The following MERTK variants were observed in gnomAD, a reference collection of about 807,000 sequenced individuals.
MERTK encodes MER proto-oncogene, tyrosine kinase, also known as tyrosine-protein kinase Mer.
A neutral mutation model predicts 99.3 loss-of-function variants in MERTK; 69 were observed. The ratio of observed to expected loss-of-function variants is 0.70; its 90% CI spans 0.57 to 0.85. The LOEUF is 0.85. Ranked by LOEUF, MERTK falls within the 40% of genes least tolerant of loss-of-function variation. The pLI is 0.00. For missense variants in MERTK, 1,125 were observed against 1,249.4 expected (o/e 0.90, Z 1.50); for synonymous variants, 426 against 467.6 (o/e 0.91, Z 1.15).
chr2:111,949,103 G>A (rs548999905), intron 4 of MERTK, among the ~76,000 whole-genome samples: 1 of 151,798 alleles, frequency 6.6e-6, no homozygotes, highest in Admixed American at 6.6e-5. Context: ...TTTGTCCCAT[G>A]ACCCAACTCA....
chr2:111,929,651 A>G lies in MERTK; in HGVS notation c.482+111A>G, dbSNP rs774132699. The stretch of plus-strand genomic sequence containing the variant: ...GCCCAGGCTGGAGTGCAGTGGCACG[A>G]TCTCAGCTCATTGCAACCTCCACCT... On this transcript the variant is annotated intron_variant, in intron 2 of 18. Coordinates refer to ENST00000295408, the MANE Select transcript of MERTK (RefSeq NM_006343.3). The G allele has an allele frequency of 2.7e-4, 226 of 831,868 alleles. 5 individuals are homozygous for G. The highest frequency in any genetic ancestry group is 3.6e-4 in the Non-Finnish European group (213 of 590,586). 51.5% of individuals were successfully genotyped at this position (831,868 alleles called of 1,614,324 possible).
At chr2:111,984,885 T>C (rs1292152440) in intron 8 of MERTK, among the ~76,000 whole-genome samples, 1 of 152,204 alleles carries the variant, frequency 6.6e-6, no homozygotes. Context: ...CCTGAAAATG[T>C]ATATCAGAAT....
intron 4 of MERTK, among the ~76,000 whole-genome samples, chr2:111,957,146 C>G (rs1274942551): frequency 6.6e-6 from 1 of 151,952 alleles, no homozygotes; most frequent in Non-Finnish European, 1.5e-5. Context: ...CCAGGATGGT[C>G]TCGATCTCCT....
intron 2 of MERTK, among the ~76,000 whole-genome samples, chr2:111,934,339 A>G: frequency 6.6e-6 from 1 of 152,166 alleles, no homozygotes; most frequent in East Asian, 1.9e-4. Flanking sequence ...ACTCCCACCA[A>G]CAGTGTAAAA....
chr2:111,906,342 G>A (rs12989536), intron 1 of MERTK, among the ~76,000 whole-genome samples: 9,355 of 152,300 alleles, frequency 0.061, 351 homozygotes, highest in Middle Eastern at 0.13. Flanking sequence ...ACAAAGAAAA[G>A]CCTTGTTTAT....
chr2:111,971,550 A>AT lies in MERTK; in HGVS notation c.960+3306dup, dbSNP rs143709873. Among the ~76,000 whole-genome samples, 10 of 151,682 alleles carry AT rather than the reference A, an allele frequency of 6.6e-5. No homozygotes were observed. The East Asian group carries it at 1.5e-3, about 23-fold the overall frequency. On this transcript the variant is annotated intron_variant, in intron 6 of 18. Transcript: ENST00000295408. ...AAGTTTTCTGTCATTTTCCTTGTGA[A>AT]TTTTTTTTGTCCTCTTGATTATTTA...
intron 7 of MERTK, among the ~76,000 whole-genome samples, chr2:111,978,019 A>T (rs935773357): frequency 6.6e-6 from 1 of 151,872 alleles, no homozygotes; most frequent in Non-Finnish European, 1.5e-5. Flanking sequence ...AGCTCACTGC[A>T]GTCTTGAACT....
chr2:111,981,759 ACACACAC>A (rs1676377263), intron 7 of MERTK, among the ~76,000 whole-genome samples: 2 of 149,580 alleles, frequency 1.3e-5, no homozygotes, highest in South Asian at 2.1e-4. Context: ...ACACACACAC[ACACACAC>A]TTTTTAAATG....
At chr2:111,966,779 C>G (rs1265684873) in intron 5 of MERTK, among the ~76,000 whole-genome samples, 1 of 152,186 alleles carries the variant, frequency 6.6e-6, no homozygotes, top group Admixed American at 6.5e-5. Context: ...GAAAGTGAGT[C>G]AAACCTTATT....
chr2:112,025,152 C>T (rs1677439053), intron 18 of MERTK, among the ~76,000 whole-genome samples: 1 of 152,128 alleles, frequency 6.6e-6, no homozygotes, highest in African/African-American at 2.4e-5. Flanking sequence ...CCTCAGCTGC[C>T]CTGTCTGTGA....
At chr2:111,910,470 A>G (rs1436359751) in intron 1 of MERTK, among the ~76,000 whole-genome samples, 4 of 151,760 alleles carry the variant, frequency 2.6e-5, no homozygotes, top group African/African-American at 9.7e-5. Context: ...GGGTTTCACC[A>G]TGTTGGCCAG....
chr2:112,001,349 A>C, intron 11 of MERTK, 63 bp downstream of exon 11: 1 of 1,282,216 alleles, frequency 7.8e-7, no homozygotes, highest in Non-Finnish European at 1.1e-6. Context: ...AAGAAGGATC[A>C]ATAGACAGAT....
intron 14 of MERTK, among the ~76,000 whole-genome samples, chr2:112,009,251 G>A (rs1313613014): frequency 6.6e-6 from 1 of 152,176 alleles, no homozygotes; most frequent in Non-Finnish European, 1.5e-5. Context: ...ATAAGCTACT[G>A]TTATTCATTC....
At chr2:111,907,548 A>G (rs1684159586) in intron 1 of MERTK, among the ~76,000 whole-genome samples, 1 of 152,190 alleles carries the variant, frequency 6.6e-6, no homozygotes, top group Non-Finnish European at 1.5e-5. Context: ...ATGGAGGTAT[A>G]TTTCTGAGAA....
chr2:112,002,828 C>T (rs1328815145), intron 11 of MERTK, among the ~76,000 whole-genome samples: 1 of 152,120 alleles, frequency 6.6e-6, no homozygotes, highest in African/African-American at 2.4e-5. Context: ...CATAAATTAG[C>T]TGGGTGTGGT....
At chr2:111,944,303 CAAAAAAA>C (rs776451722) in intron 2 of MERTK, among the ~76,000 whole-genome samples, 157 of 68,094 alleles carry the variant, frequency 2.3e-3, no homozygotes, top group African/African-American at 2.2e-3. Flanking sequence ...GAATCTGTCT[CAAAAAAA>C]AAAAAAAAAA....
At chr2:111,966,045 T>C (rs1448876177) in intron 5 of MERTK, among the ~76,000 whole-genome samples, 1 of 152,234 alleles carries the variant, frequency 6.6e-6, no homozygotes, top group Non-Finnish European at 1.5e-5. Context: ...TACAATTAGG[T>C]AGTATCTTTT....
intron 4 of MERTK, among the ~76,000 whole-genome samples, chr2:111,954,571 A>G (rs1573597189): frequency 6.6e-6 from 1 of 152,252 alleles, no homozygotes; most frequent in African/African-American, 2.4e-5. Context: ...TGAATTACAA[A>G]TAGTCCCCGA....
chr2:112,022,215 G>A (rs779739148), intron 17 of MERTK, 43 bp from the exon 18 acceptor site: 2 of 1,614,050 alleles, frequency 1.2e-6, no homozygotes, highest in Non-Finnish European at 1.7e-6. Context: ...TTCAGGCTTT[G>A]TGGAAAGGCT....
Sources: gnomAD v4.1 joint callset for allele counts (sites outside exome capture counted in the v4.1 genomes callset) on GRCh38, gnomAD v4.1.1 for gene constraint, MANE v1.5 for transcripts, NCBI Gene and HGNC (gene_info 2026-07-23, HGNC 2026-07-21) for gene names.